Variants in HOXB7 observed in about 807,000 individuals in gnomAD.
HOXB7 encodes homeobox B7, also known as homeobox protein Hox-B7.
In HOXB7, 11 loss-of-function variants were observed where a neutral mutation model predicts 19.2. That is an observed-to-expected ratio of 0.57 (90% confidence interval 0.36 to 0.95). The LOEUF is 0.95. HOXB7 is among the 40% of genes least tolerant of loss of function. HOXB7 has a pLI of 0.01. For missense variants in HOXB7, 318 were observed against 301.1 expected (o/e 1.06, Z -0.42); for synonymous variants, 141 against 130.2 (o/e 1.08, Z -0.56).
chr17:48,609,598 C>T (rs1040308660), intron 1 of HOXB7, among the ~76,000 whole-genome samples: 2 of 152,116 alleles, frequency 1.3e-5, no homozygotes, highest in African/African-American at 4.8e-5. Context: ...CGGCAGGGAC[C>T]CCATGGAACC....
chr17:48,609,210 T>C (rs1206901128), intron 1 of HOXB7, among the ~76,000 whole-genome samples: 1 of 151,930 alleles, frequency 6.6e-6, no homozygotes, highest in African/African-American at 2.4e-5. Context: ...GACTGAAGGG[T>C]AGAGGGGAAC....
intron 1 of HOXB7, among the ~76,000 whole-genome samples, chr17:48,609,428 C>A (rs1245660946): frequency 2.0e-5 from 3 of 152,214 alleles, no homozygotes; most frequent in African/African-American, 7.2e-5. Flanking sequence ...GGACCTATAA[C>A]CACTAATACT....
At chr17:48,608,447 A>AC (rs2070611866) in intron 1 of HOXB7, 1 of 160,194 alleles carries the variant, frequency 6.2e-6, no homozygotes, top group Admixed American at 6.1e-5. Flanking sequence ...AAAAAAAAAA[A>AC]GGAAACGCCA....
chr17:48,608,199 G>A (rs377413674), intron 1 of HOXB7, 104 bp from the exon 2 acceptor site: 4 of 1,414,942 alleles, frequency 2.8e-6, no homozygotes, highest in South Asian at 2.8e-5. Context: ...CGAGGCGGGC[G>A]GATCACGAGG....
chr17:48,609,594 G>A (rs1227539629), intron 1 of HOXB7, among the ~76,000 whole-genome samples: 1 of 152,160 alleles, frequency 6.6e-6, no homozygotes, highest in Non-Finnish European at 1.5e-5. Flanking sequence ...GACTCGGCAG[G>A]GACCCCATGG....
rs1240156940 is a variant in HOXB7 at position 48,610,736 on chromosome 17, G to A, written c.183C>T (p.Gly61=). ...CGCTCTGGCCCGCCATGCCCCCCCC[G>A]CCGGGGTACAAGCCCTGCATCGAGG... ...FAASMQGLYP[G]GGGMAGQSAA... is the part of the protein sequence containing the mutation. Residue 61 remains glycine, a synonymous_variant, in exon 1 of 2, where the codon GGC becomes GGT. Coordinates refer to ENST00000239165, the MANE Select transcript of HOXB7 (RefSeq NM_004502.4). 2 of 1,598,568 alleles carry A rather than the reference G, an allele frequency of 1.3e-6. No homozygotes were observed. The highest frequency in any genetic ancestry group is 1.7e-6 in the Non-Finnish European group (2 of 1,172,216).
chr17:48,610,478 C>T (rs1439667755), intron 1 of HOXB7, 41 bp downstream of exon 1: 4 of 1,397,372 alleles, frequency 2.9e-6, no homozygotes, highest in South Asian at 1.7e-5. Context: ...GTAATGTGCC[C>T]CGGCCCCTGG....
chr17:48,609,967 C>A (rs1400339269), intron 1 of HOXB7, among the ~76,000 whole-genome samples: 1 of 152,198 alleles, frequency 6.6e-6, no homozygotes, highest in Non-Finnish European at 1.5e-5. Context: ...CCTCTAGAGC[C>A]CACCTCTAAT....
rs999924208 is a variant in HOXB7, at chr17:48,609,809, C to G, written c.400+710G>C. On this transcript the variant is annotated intron_variant, in intron 1 of 1. Coordinates refer to ENST00000239165, the MANE Select transcript of HOXB7 (RefSeq NM_004502.4). ...GGAAGCCAGCTGCACTCCCATGAAG[C>G]CTCTGCCCCTTTCTAGTTCTCCTGT... is the stretch of plus-strand genomic sequence containing the variant. Among the ~76,000 whole-genome samples, 9 of 152,192 alleles carry G rather than the reference C, an allele frequency of 5.9e-5. No homozygotes were observed. In the East Asian group the frequency reaches 1.2e-3, roughly 20 times the overall value.
chr17:48,610,728 C>CA lies in HOXB7; in HGVS notation c.190_191insT (p.Gly64ValfsTer30), dbSNP rs1362904595. The CA allele has an allele frequency of 5.1e-6, 8 of 1,581,632 alleles. No homozygotes were observed. In the East Asian group the frequency reaches 1.9e-4, roughly 37 times the overall value. On this transcript the variant is annotated frameshift_variant, in exon 1 of 2. Transcript: ENST00000239165. LOFTEE classifies it high-confidence loss of function. ...GCCGGCCGCGCTCTGGCCCGCCATG[C>CA]CCCCCCCGCCGGGGTACAAGCCCTG...
chr17:48,607,790 C>G lies in HOXB7; in HGVS notation c.*52G>C. On this transcript the variant is annotated 3_prime_UTR_variant, in exon 2 of 2. Coordinates refer to ENST00000239165, the MANE Select transcript of HOXB7 (RefSeq NM_004502.4). ...TCCTGATTCAGTTCCCAGAGCTGGG[C>G]TTCTCTTCCTCTCCCTTTCTCATGT... The G allele has an allele frequency of 1.7e-3, 2,074 of 1,213,816 alleles. No homozygotes were observed. The highest frequency in any genetic ancestry group is 2.3e-3 in the Non-Finnish European group (1,897 of 837,924). 75.2% of individuals were successfully genotyped at this position (1,213,816 alleles called of 1,614,324 possible).
At chr17:48,609,861 G>T (rs1415002746) in intron 1 of HOXB7, among the ~76,000 whole-genome samples, 1 of 152,150 alleles carries the variant, frequency 6.6e-6, no homozygotes, top group Non-Finnish European at 1.5e-5. Context: ...GGTTCACTGG[G>T]ATCAGGAGGA....
At position 48,610,800 on chromosome 17, in the gene HOXB7, C is replaced by T. The variant is rs758241276; in HGVS notation, c.119G>A (p.Arg40His). The change falls in exon 1 of 2, where the codon CGC (arginine) becomes CAC (histidine). Residue 40 changes from arginine (R) to histidine (H), a missense_variant. Physicochemically the swap from Arg to His is conservative, Grantham distance 29 (BLOSUM62 0). Transcript: ENST00000239165. Reference protein sequence around the residue: ...TSCAFASNPQRPGYGAGSGAS... With the variant: ...TSCAFASNPQHPGYGAGSGAS... ...GCCCGAACCCGCTCCATAGCCCGGG[C>T]GCTGGGGGTTGGAAGCAAACGCACA... 24 of 1,593,482 alleles carry T rather than the reference C, an allele frequency of 1.5e-5. No individual in the cohort carries two copies. The highest frequency in any genetic ancestry group is 1.1e-4 in the African/African-American group (8 of 73,778).
chr17:48,607,755 G>A lies in HOXB7; in HGVS notation c.*87C>T, dbSNP rs1250190820. On this transcript the variant is annotated 3_prime_UTR_variant, in exon 2 of 2. Transcript: ENST00000239165. ...GTTTTGTTTTTTTACTTCCCTATTCGATTTGAGTTTCCTGATTCAGTTCCC... is the reference window on the plus strand; with the variant it reads ...GTTTTGTTTTTTTACTTCCCTATTCAATTTGAGTTTCCTGATTCAGTTCCC... 1.0e-6 allele frequency: 1 copy of A among 975,076 alleles called. No homozygotes were observed. The highest frequency in any genetic ancestry group is 1.5e-6 in the Non-Finnish European group (1 of 684,688). The allele number at this position is 975,076 out of a possible 1,614,324, so 60.4% of individuals were successfully genotyped here.
intron 1 of HOXB7, chr17:48,608,308 C>A: frequency 2.4e-6 from 1 of 424,820 alleles, no homozygotes; most frequent in Non-Finnish European, 4.0e-6. Flanking sequence ...CCTGTAGTCC[C>A]AACTACTCAG....
In HOXB7 at chr17:48,607,726, T is replaced by G; in HGVS notation, c.*116A>C. The G allele has an allele frequency of 6.3e-6, 5 of 791,960 alleles. No individual in the cohort carries two copies. Among genetic ancestry groups the G allele is most frequent in the African/African-American group, 3.6e-5 (2 of 55,702 alleles). 49.1% of individuals were successfully genotyped at this position (791,960 alleles called of 1,614,324 possible). A position where few individuals can be genotyped will look rare whatever the true frequency, so the allele number is the denominator to read the frequency against. ...GGGTTTTTTTTTTGTTTTTTTTGTT[T>G]TTTGTTTTGTTTTTTTACTTCCCTA... is the stretch of plus-strand genomic sequence containing the variant. On this transcript the variant is annotated 3_prime_UTR_variant, in exon 2 of 2. Transcript: ENST00000239165.
At chr17:48,608,139 C>G in intron 1 of HOXB7, 44 bp from the exon 2 acceptor site, 5 of 1,588,392 alleles carry the variant, frequency 3.1e-6, no homozygotes, top group Non-Finnish European at 4.3e-6. Flanking sequence ...AAAGAAAACG[C>G]CGGCCGGGCG....
Position 48,610,588 on chromosome 17 carries a change from T to C in HOXB7, c.331A>G (p.Lys111Glu), listed in dbSNP as rs762082637. The change falls in exon 1 of 2, where the codon AAG becomes GAG. Residue 111 changes from lysine (K) to glutamate (E), a missense_variant. Transcript: ENST00000239165. ...GCCAAGTCCGAGTCCCTCTGCTCCT[T>C]GGCGCCCGCCGCCTTGGCGGAGTCG... is the stretch of plus-strand genomic sequence containing the variant. The part of the protein sequence containing the change: ...PGDSAKAAGA[K>E]EQRDSDLAAE... The C allele has an allele frequency of 5.2e-6, 8 of 1,550,132 alleles. No individual in the cohort carries two copies. The South Asian group carries it at 9.5e-5, about 18-fold the overall frequency.
Position 48,607,684 on chromosome 17 carries a change from C to A in HOXB7, c.*158G>T, listed in dbSNP as rs1198819073. ...TCCCTCCTTAAAAAATGTTTTTAAA[C>A]TCCTTTCATTTAAATAGGGTTTTTT... On this transcript the variant is annotated 3_prime_UTR_variant, in exon 2 of 2. Transcript: ENST00000239165. The A allele has an allele frequency of 7.6e-6, 5 of 659,888 alleles. No homozygotes were observed. The highest frequency in any genetic ancestry group is 1.2e-5 in the Non-Finnish European group (5 of 423,780). 40.9% of individuals were successfully genotyped at this position (659,888 alleles called of 1,614,324 possible). A position where few individuals can be genotyped will look rare whatever the true frequency, so the allele number is the denominator to read the frequency against.
Sources: allele counts gnomAD v4.1 joint callset (sites outside exome capture counted in the v4.1 genomes callset), GRCh38; gene constraint gnomAD v4.1.1; transcripts MANE v1.5; gene names NCBI Gene and HGNC (gene_info 2026-07-23, HGNC 2026-07-21).